Variants in ELAVL4 observed in about 807,000 individuals in gnomAD.
ELAVL4 encodes the protein ELAV like RNA binding protein 4, also known as ELAV-like protein 4.
A neutral mutation model predicts 35.6 loss-of-function variants in ELAVL4; 1 was observed. The ratio of observed to expected loss-of-function variants is 0.03; its 90% CI spans 0.01 to 0.13. The LOEUF is 0.13. Among genes scored for constraint, ELAVL4 ranks in the 10% least tolerant of loss-of-function variants. ELAVL4 has a pLI of 1.00. For missense variants in ELAVL4, 267 were observed against 464.9 expected, an observed-to-expected ratio of 0.57 and a Z score of 3.91; for synonymous variants, 156 against 171.0, an observed-to-expected ratio of 0.91 and a Z score of 0.69.
chr1:50,065,372 T>C (rs923407541), intron 1 of ELAVL4, among the ~76,000 whole-genome samples: 3 of 152,202 alleles, frequency 2.0e-5, no homozygotes, highest in African/African-American at 7.2e-5. Flanking sequence ...CTTTCTTAGA[T>C]TAAGTGCTGC....
intron 1 of ELAVL4, among the ~76,000 whole-genome samples, chr1:50,122,163 A>G (rs930255023): frequency 5.3e-5 from 8 of 152,052 alleles, no homozygotes; most frequent in Non-Finnish European, 1.2e-4. Context: ...TGACTCCAGA[A>G]TAAAATTTCA....
At chr1:50,076,823 A>T (rs1664786618) in intron 1 of ELAVL4, among the ~76,000 whole-genome samples, 1 of 152,152 alleles carries the variant, frequency 6.6e-6, no homozygotes, top group African/African-American at 2.4e-5. Flanking sequence ...GTTGCTTGAT[A>T]AGCATTTATT....
At chr1:50,194,484 G>T (rs1386503799) in intron 4 of ELAVL4, among the ~76,000 whole-genome samples, 14 of 152,134 alleles carry the variant, frequency 9.2e-5, no homozygotes, top group Admixed American at 9.2e-4. Context: ...GGTACTCTGG[G>T]TTGCACTTTT....
At chr1:50,101,299 G>A (rs1572176284), upstream of ELAVL4, among the ~76,000 whole-genome samples, 1 of 152,122 alleles carries the variant, frequency 6.6e-6, no homozygotes, top group Admixed American at 6.5e-5. Flanking sequence ...GAGGAAAAAC[G>A]GGTAGGGTTG....
intron 1 of ELAVL4, among the ~76,000 whole-genome samples, chr1:50,059,638 G>A (rs982905804): frequency 6.6e-6 from 1 of 152,148 alleles, no homozygotes; most frequent in East Asian, 1.9e-4. Flanking sequence ...TAGAAAACAA[G>A]TATTCAAGTA....
chr1:50,150,042 A>AAAAGC (rs146391669), intron 2 of ELAVL4, among the ~76,000 whole-genome samples: 10,064 of 152,280 alleles, frequency 0.066, 452 homozygotes, highest in Non-Finnish European at 0.1. Context: ...TAGAGGAAAG[A>AAAAGC]AAAGCAAAGG....
chr1:50,172,076 A>AATG (rs760297049), intron 2 of ELAVL4, among the ~76,000 whole-genome samples: 6 of 151,582 alleles, frequency 4.0e-5, no homozygotes, highest in Non-Finnish European at 8.8e-5. Flanking sequence ...GTTTCTGGAG[A>AATG]ATGATGGTTT....
chr1:50,136,132 A>G (rs1240507634), intron 1 of ELAVL4, among the ~76,000 whole-genome samples: 1 of 152,204 alleles, frequency 6.6e-6, no homozygotes, highest in African/African-American at 2.4e-5. Flanking sequence ...AAGACACTTT[A>G]AAGAAATATG....
At chr1:50,076,157 C>A (rs1275056912) in intron 1 of ELAVL4, among the ~76,000 whole-genome samples, 1 of 152,084 alleles carries the variant, frequency 6.6e-6, no homozygotes, top group African/African-American at 2.4e-5. Flanking sequence ...TTGAGATGTA[C>A]CCCGATCATA....
At chr1:50,095,575 C>T (rs1338735745) in intron 1 of ELAVL4, among the ~76,000 whole-genome samples, 2 of 152,048 alleles carry the variant, frequency 1.3e-5, no homozygotes, top group Non-Finnish European at 2.9e-5. Flanking sequence ...CACATACAGC[C>T]ACACATATTA....
At chr1:50,150,465 G>A (rs945803463) in intron 2 of ELAVL4, among the ~76,000 whole-genome samples, 1 of 152,184 alleles carries the variant, frequency 6.6e-6, no homozygotes, top group African/African-American at 2.4e-5. Flanking sequence ...GGTAACTTGT[G>A]TTCTTTCTTG....
intron 4 of ELAVL4, among the ~76,000 whole-genome samples, chr1:50,195,351 T>C (rs1248440152): frequency 1.3e-5 from 2 of 152,152 alleles, no homozygotes; most frequent in Non-Finnish European, 2.9e-5. Flanking sequence ...CCCTGTGTTC[T>C]GTGGCTGGGA....
intron 1 of ELAVL4, among the ~76,000 whole-genome samples, chr1:50,119,859 G>A (rs1003133654): frequency 6.6e-6 from 1 of 151,808 alleles, no homozygotes; most frequent in African/African-American, 2.4e-5. Context: ...TCTCTTTAAT[G>A]TAATTAGGGC....
At chr1:50,185,698 C>A (rs1049896672) in intron 3 of ELAVL4, among the ~76,000 whole-genome samples, 5 of 152,168 alleles carry the variant, frequency 3.3e-5, no homozygotes, top group African/African-American at 1.2e-4. Context: ...ATGGTGCTAT[C>A]CCTAAAGTGA....
intron 1 of ELAVL4, among the ~76,000 whole-genome samples, chr1:50,111,249 T>C (rs1252472856): frequency 6.6e-6 from 1 of 151,386 alleles, no homozygotes; most frequent in African/African-American, 2.4e-5. Context: ...TTTTTTTTTT[T>C]CCTTTTTCCC....
intron 1 of ELAVL4, among the ~76,000 whole-genome samples, chr1:50,051,590 T>G (rs1035606463): frequency 6.6e-6 from 1 of 152,224 alleles, no homozygotes; most frequent in African/African-American, 2.4e-5. Flanking sequence ...AGGATTAGAT[T>G]ACAAACTTAG....
rs1219492861 is a variant in ELAVL4, at chr1:50,055,702, T to C, written c.18+7520T>C. Among the ~76,000 whole-genome samples the C allele has an allele frequency of 2.0e-5, 3 of 151,862 alleles. No homozygotes were observed. In the East Asian group the frequency reaches 5.8e-4, roughly 30 times the overall value. On this transcript the variant is annotated intron_variant, in intron 1 of 6. Coordinates refer to the ELAVL4 transcript ENST00000448907. ...AAAATTCTATATAGGCCAGGCACGG[T>C]GCCTCACGCCTGTAATCCCAGCACT...
intron 3 of ELAVL4, among the ~76,000 whole-genome samples, chr1:50,192,554 C>CACAT (rs1682830576): frequency 6.6e-6 from 1 of 151,724 alleles, no homozygotes; most frequent in South Asian, 2.1e-4. Flanking sequence ...CACACACACA[C>CACAT]ACACACACAC....
intron 1 of ELAVL4, among the ~76,000 whole-genome samples, chr1:50,115,853 A>T (rs764498692): frequency 6.6e-6 from 1 of 152,110 alleles, no homozygotes; most frequent in Admixed American, 6.6e-5. Context: ...CAAGGTCACC[A>T]TTTCTTTTTC....
Sources: allele counts gnomAD v4.1 joint callset (sites outside exome capture counted in the v4.1 genomes callset), GRCh38; gene constraint gnomAD v4.1.1; transcripts MANE v1.5; gene names NCBI Gene and HGNC (gene_info 2026-07-23, HGNC 2026-07-21).